Variants in DST observed in about 807,000 individuals in gnomAD.
The protein encoded by DST is dystonin, also known as bullous pemphigoid antigen.
A neutral mutation model predicts 875.2 loss-of-function variants in DST; 253 were observed. That is an observed-to-expected ratio of 0.29 (90% confidence interval 0.26 to 0.32). DST has a LOEUF of 0.32. DST is among the 10% of genes least tolerant of loss of function. The pLI, the probability that DST is intolerant of heterozygous loss-of-function variation, is 1.00. For missense variants in DST, 8,287 were observed against 9,111.6 expected (o/e 0.91, Z 3.68); for synonymous variants, 3,124 against 3,197.1 (o/e 0.98, Z 0.77).
intron 3 of DST, among the ~76,000 whole-genome samples, chr6:56,862,736 G>C (rs536184115): frequency 8.5e-5 from 13 of 152,260 alleles, no homozygotes; most frequent in South Asian, 8.3e-4. Context: ...TTGAAATTGG[G>C]GGGGAATGGA....
At chr6:56,782,947 G>T (rs2099697141) in intron 4 of DST, among the ~76,000 whole-genome samples, 1 of 152,176 alleles carries the variant, frequency 6.6e-6, no homozygotes, top group African/African-American at 2.4e-5. Flanking sequence ...TGGTTTCAAA[G>T]AACATCTTTA....
Position 56,651,051 on chromosome 6 carries a change from A to G in DST, c.1328-19T>C, listed in dbSNP as rs377258275. On this transcript the variant is annotated intron_variant, in intron 11 of 103. Coordinates refer to ENST00000680361, the MANE Select transcript of DST (RefSeq NM_001374736.1). ...TCGACATCTAAAAACAGCAACATAA[A>G]TTAATTATTTCACAATGTTGATAAA... 50 of 1,591,384 alleles carry G rather than the reference A, an allele frequency of 3.1e-5. No individual in the cohort carries two copies. The highest frequency in any genetic ancestry group is 4.1e-5 in the Non-Finnish European group (48 of 1,160,838).
intron 10 of DST, among the ~76,000 whole-genome samples, chr6:56,658,783 G>A (rs1441024776): frequency 1.3e-5 from 2 of 152,332 alleles, no homozygotes; most frequent in South Asian, 4.1e-4. Context: ...CTGTGCATAT[G>A]GAGAGCTCAG....
chr6:56,791,957 C>A (rs2099725308), intron 4 of DST, among the ~76,000 whole-genome samples: 1 of 152,006 alleles, frequency 6.6e-6, no homozygotes, highest in Admixed American at 6.6e-5. Context: ...TTAGAGAAAT[C>A]ATCTATTCCA....
chr6:56,536,147 C>T (rs1260213649), intron 62 of DST, among the ~76,000 whole-genome samples: 10 of 152,230 alleles, frequency 6.6e-5, no homozygotes, highest in Non-Finnish European at 5.9e-5. Flanking sequence ...CTCGTAAGAG[C>T]TGCCTGCCAT....
rs1584771254 is a variant in DST, at chr6:56,552,936, T to C, written c.15856A>G (p.Lys5286Glu). ...TCCTTTGCACACTGAAGCTGCCTTTTAGATTCTTTGGAAACTTCTTGAAAT... is the reference window on the plus strand; with the variant it reads ...TCCTTTGCACACTGAAGCTGCCTTTCAGATTCTTTGGAAACTTCTTGAAAT... ...KEFQEVSKES[K>E]RQLQCAKEQL... Residue 5286 changes from lysine to glutamate, a missense_variant, in exon 61 of 104, where the codon AAA becomes GAA. Around this residue, in one of 10 missense-constraint regions of DST, gnomAD observed 1,513 missense variants for 1,677.8 expected, o/e 0.90. Transcript: ENST00000680361. The C allele has an allele frequency of 6.2e-7, 1 of 1,614,040 alleles. No homozygotes were observed. The highest frequency in any genetic ancestry group is 8.5e-7 in the Non-Finnish European group (1 of 1,179,886).
At chr6:56,693,431 C>T in intron 9 of DST, 1 of 1,062,400 alleles carries the variant, frequency 9.4e-7, no homozygotes, top group East Asian at 7.8e-5. Flanking sequence ...CAAATTACAA[C>T]ACTGATGAGC....
intron 87 of DST, among the ~76,000 whole-genome samples, chr6:56,486,362 CAAAA>C (rs61164880): frequency 2.9e-5 from 1 of 34,036 alleles, no homozygotes; most frequent in Non-Finnish European, 5.6e-5. Flanking sequence ...GACTCCGTCT[CAAAA>C]AAAAAAAAAA....
chr6:56,855,396 G>A (rs968585402), intron 3 of DST, among the ~76,000 whole-genome samples: 40 of 152,060 alleles, frequency 2.6e-4, no homozygotes, highest in Admixed American at 2.1e-3. Flanking sequence ...ATACATTTAC[G>A]GAAGATTAAT....
chr6:56,912,737 T>C (rs1358798104), intron 2 of DST, among the ~76,000 whole-genome samples: 2 of 152,188 alleles, frequency 1.3e-5, no homozygotes, highest in African/African-American at 4.8e-5. Context: ...GTTCTCAATA[T>C]CCTCTCCACT....
chr6:56,930,542 C>T (rs1260469502), intron 2 of DST, among the ~76,000 whole-genome samples: 1 of 152,114 alleles, frequency 6.6e-6, no homozygotes, highest in Non-Finnish European at 1.5e-5. Context: ...TCCAGAATTC[C>T]ATACAGTTCC....
chr6:56,712,070 G>A (rs1482863799), intron 5 of DST, among the ~76,000 whole-genome samples: 20 of 116,828 alleles, frequency 1.7e-4, no homozygotes, highest in African/African-American at 4.3e-4. Flanking sequence ...CAGCCTGGGC[G>A]ACAGAGCGAG....
At chr6:56,697,139 C>T (rs2099268326) in intron 9 of DST, among the ~76,000 whole-genome samples, 1 of 152,124 alleles carries the variant, frequency 6.6e-6, no homozygotes, top group South Asian at 2.1e-4. Context: ...CTGTGTCTCT[C>T]AGTAGTCTAC....
At chr6:56,612,114 A>G (rs973849953) in intron 37 of DST, among the ~76,000 whole-genome samples, 6 of 152,274 alleles carry the variant, frequency 3.9e-5, no homozygotes, top group African/African-American at 1.4e-4. Flanking sequence ...TCATGCCTGT[A>G]ATCCCAGCAC....
intron 2 of DST, among the ~76,000 whole-genome samples, chr6:56,902,453 G>C (rs1222617347): frequency 6.6e-6 from 1 of 152,220 alleles, no homozygotes; most frequent in Non-Finnish European, 1.5e-5. Flanking sequence ...CGGAAGATGG[G>C]CTACTGTCCA....
At chr6:56,824,184 T>C (rs909240410) in intron 4 of DST, among the ~76,000 whole-genome samples, 1 of 152,164 alleles carries the variant, frequency 6.6e-6, no homozygotes, top group Non-Finnish European at 1.5e-5. Context: ...GGTTTTCGTA[T>C]TTTTTTGGTG....
At chr6:56,695,870 G>A (rs371645698) in intron 9 of DST, among the ~76,000 whole-genome samples, 1 of 152,272 alleles carries the variant, frequency 6.6e-6, no homozygotes, top group South Asian at 2.1e-4. Flanking sequence ...GTAAAGTATA[G>A]AGAAAAAGGC....
At chr6:56,798,715 G>A (rs925491336) in intron 4 of DST, among the ~76,000 whole-genome samples, 1 of 152,066 alleles carries the variant, frequency 6.6e-6, no homozygotes, top group Admixed American at 6.5e-5. Flanking sequence ...TCCTCTGATG[G>A]ATATGGGTAA....
chr6:56,836,343 T>C (rs73746942), intron 4 of DST, among the ~76,000 whole-genome samples: 10 of 152,294 alleles, frequency 6.6e-5, no homozygotes, highest in African/African-American at 2.4e-4. Context: ...ATACATAACA[T>C]ATATGTATTT....
Sources: allele counts gnomAD v4.1 joint callset (sites outside exome capture counted in the v4.1 genomes callset), GRCh38; gene constraint gnomAD v4.1.1; regional missense constraint gnomAD v4.1.1; transcripts MANE v1.5; gene names NCBI Gene and HGNC (gene_info 2026-07-23, HGNC 2026-07-21).